Variants in FAT3 observed in about 807,000 individuals in gnomAD.
FAT3 encodes protocadherin Fat 3.
In FAT3, 95 loss-of-function variants were observed where a neutral mutation model predicts 310.2. The observed-to-expected ratio is 0.31, with a 90% CI of 0.26 to 0.36. The LOEUF is 0.36. FAT3 is among the 10% of genes least tolerant of loss of function. The pLI is 1.00. For missense variants in FAT3, 5,408 were observed against 5,715.6 expected, an observed-to-expected ratio of 0.95 and a Z score of 1.74; for synonymous variants, 2,314 against 2,192.9, an observed-to-expected ratio of 1.06 and a Z score of -1.54.
At chr11:92,647,139 G>C (rs904200035) in intron 3 of FAT3, among the ~76,000 whole-genome samples, 1 of 151,886 alleles carries the variant, frequency 6.6e-6, no homozygotes, top group South Asian at 2.1e-4. Flanking sequence ...CCTTTTCTTT[G>C]ATCTTAATAC....
chr11:92,400,592 C>T (rs1012186736), intron 2 of FAT3: 6 of 151,910 alleles, frequency 3.9e-5, no homozygotes, highest in Admixed American at 2.0e-4. Context: ...CTGTCAGATG[C>T]GCATTTTCTT....
intron 1 of FAT3, among the ~76,000 whole-genome samples, chr11:92,334,643 T>C (rs919256027): frequency 6.6e-6 from 1 of 152,086 alleles, no homozygotes; most frequent in African/African-American, 2.4e-5. Flanking sequence ...GCCCATGAGT[T>C]AGGAGGGCAC....
At chr11:92,818,421 TC>T (rs1343042179) in intron 13 of FAT3, among the ~76,000 whole-genome samples, 1 of 152,198 alleles carries the variant, frequency 6.6e-6, no homozygotes, top group Non-Finnish European at 1.5e-5. Context: ...AGAAACTGGC[TC>T]TGTCCGTGTC....
chr11:92,417,048 T>C (rs577123143), intron 2 of FAT3, among the ~76,000 whole-genome samples: 1 of 152,288 alleles, frequency 6.6e-6, no homozygotes, highest in African/African-American at 2.4e-5. Flanking sequence ...AATGAAGGTA[T>C]TGAGGCAACT....
chr11:92,542,439 A>C (rs1386821825), intron 3 of FAT3, among the ~76,000 whole-genome samples: 1 of 152,078 alleles, frequency 6.6e-6, no homozygotes, highest in African/African-American at 2.4e-5. Context: ...GCATCTAATA[A>C]GGGGCTAATA....
intron 4 of FAT3, among the ~76,000 whole-genome samples, chr11:92,706,037 C>T (rs1374526459): frequency 6.7e-6 from 1 of 149,476 alleles, no homozygotes; most frequent in Non-Finnish European, 1.5e-5. Context: ...ATAGTGGTGG[C>T]AGTGGTGATG....
Position 92,771,351 on chromosome 11 carries a change from A to T in FAT3, c.4196-2690A>T, listed in dbSNP as rs554910568. The stretch of plus-strand genomic sequence containing the variant: ...GAAACTGAAATCACTTTCAGGCTAA[A>T]AGGGAGCCTGAAAAATGAGACCTGG... On this transcript the variant is annotated intron_variant, in intron 6 of 27. Transcript: ENST00000525166. 1.7e-4 allele frequency among the ~76,000 whole-genome samples: 26 copies of T among 152,224 alleles called. No individual in the cohort carries two copies. The South Asian group carries it at 5.4e-3, about 32-fold the overall frequency.
rs148075979 is a variant in FAT3, at chr11:92,573,714, C to G, written c.3607+48766C>G. 8.6e-3 allele frequency among the ~76,000 whole-genome samples: 1,303 copies of G among 152,070 alleles called. 3 individuals are homozygous for G. The highest frequency in any genetic ancestry group is 0.014 in the Non-Finnish European group (948 of 67,972). On this transcript the variant is annotated intron_variant, in intron 3 of 27. Transcript: ENST00000525166. ...CTATGCAGCCCCAAGCCACAGAATT[C>G]CAAGGGTAGCCAGCAGCTGCCAGAA...
intron 3 of FAT3, among the ~76,000 whole-genome samples, chr11:92,543,492 A>T (rs1286650586): frequency 2.6e-5 from 4 of 152,188 alleles, no homozygotes; most frequent in Non-Finnish European, 4.4e-5. Flanking sequence ...GCAGCAGAGA[A>T]ATCTAGGTGA....
intron 3 of FAT3, among the ~76,000 whole-genome samples, chr11:92,614,456 T>C (rs2135637838): frequency 6.6e-6 from 1 of 152,322 alleles, no homozygotes; most frequent in East Asian, 1.9e-4. Context: ...ATGTTCAATG[T>C]GTTCTTATTT....
chr11:92,760,923 G>C (rs550502258), intron 4 of FAT3, among the ~76,000 whole-genome samples: 1 of 152,266 alleles, frequency 6.6e-6, no homozygotes, highest in South Asian at 2.1e-4. Flanking sequence ...GACATGGAGA[G>C]AGGTGTACAT....
chr11:92,305,747 A>C (rs558969711), intron 1 of FAT3, among the ~76,000 whole-genome samples: 3 of 152,250 alleles, frequency 2.0e-5, no homozygotes, highest in Admixed American at 2.0e-4. Context: ...CAAAATTGCC[A>C]GCTAATACTC....
chr11:92,887,440 C>A (rs1565681159), intron 25 of FAT3, among the ~76,000 whole-genome samples: 1 of 152,166 alleles, frequency 6.6e-6, no homozygotes, highest in East Asian at 1.9e-4. Context: ...AGAGTAATTT[C>A]TTTCTTTTTT....
intron 2 of FAT3, among the ~76,000 whole-genome samples, chr11:92,519,486 G>C (rs922890397): frequency 6.6e-6 from 1 of 151,970 alleles, no homozygotes; most frequent in Non-Finnish European, 1.5e-5. Context: ...GGATTTCTAA[G>C]ATACAATACC....
intron 2 of FAT3, among the ~76,000 whole-genome samples, chr11:92,357,322 AT>A: frequency 6.6e-6 from 1 of 152,276 alleles, no homozygotes; most frequent in African/African-American, 2.4e-5. Flanking sequence ...TGTGGAGCCT[AT>A]TTTCAAACTT....
intron 2 of FAT3, among the ~76,000 whole-genome samples, chr11:92,381,152 T>G (rs992929362): frequency 2.6e-5 from 4 of 152,194 alleles, no homozygotes; most frequent in Non-Finnish European, 4.4e-5. Context: ...AATGACTCAT[T>G]TATCCAGATG....
intron 3 of FAT3, among the ~76,000 whole-genome samples, chr11:92,635,187 T>C (rs1190079519): frequency 6.6e-6 from 1 of 152,180 alleles, no homozygotes; most frequent in Non-Finnish European, 1.5e-5. Context: ...TCCTCTATCA[T>C]CATGAGGTCT....
intron 3 of FAT3, among the ~76,000 whole-genome samples, chr11:92,540,740 T>G (rs1363972417): frequency 7.3e-6 from 1 of 137,566 alleles, no homozygotes; most frequent in East Asian, 2.4e-4. Flanking sequence ...CTATGGCATG[T>G]TTTTGTTTTG....
intron 2 of FAT3, among the ~76,000 whole-genome samples, chr11:92,360,789 C>T (rs574716208): frequency 6.6e-6 from 1 of 152,246 alleles, no homozygotes; most frequent in Admixed American, 6.5e-5. Context: ...GTGCAAGGTA[C>T]ATTTTAGGTA....
Sources: allele counts gnomAD v4.1 joint callset (sites outside exome capture counted in the v4.1 genomes callset), GRCh38; gene constraint gnomAD v4.1.1; transcripts MANE v1.5; gene names NCBI Gene and HGNC (gene_info 2026-07-23, HGNC 2026-07-21).